The following FBXO16 variants were observed in gnomAD, a reference collection of about 807,000 sequenced individuals.
FBXO16 encodes the protein F-box protein 16.
Under a neutral mutation model 41.0 loss-of-function variants are expected in FBXO16, and 31 were observed. The observed-to-expected ratio is 0.76, with a 90% CI of 0.57 to 1.02. The LOEUF (loss-of-function observed/expected upper bound fraction) is 1.02. Among genes scored for constraint, FBXO16 ranks in the 50% least tolerant of loss-of-function variants. The probability of loss-of-function intolerance (pLI) is 0.00; values close to 1 mark genes in which losing one functional copy is unlikely to be tolerated. For missense variants in FBXO16, 361 were observed against 346.2 expected, an observed-to-expected ratio of 1.04 and a Z score of -0.34; for synonymous variants, 133 against 117.8, an observed-to-expected ratio of 1.13 and a Z score of -0.84.
chr8:28,469,794 A>C (rs1803302124), intron 3 of FBXO16, among the ~76,000 whole-genome samples: 1 of 151,950 alleles, frequency 6.6e-6, no homozygotes, highest in Non-Finnish European at 1.5e-5. Flanking sequence ...CCAGCTACTC[A>C]GGAGGCTGAG....
At chr8:28,438,478 G>T (rs1340273628) in intron 7 of FBXO16, among the ~76,000 whole-genome samples, 3 of 152,092 alleles carry the variant, frequency 2.0e-5, no homozygotes, top group African/African-American at 7.2e-5. Flanking sequence ...TGCCTGGCAG[G>T]TCCCTCCTCC....
chr8:28,486,399 G>T (rs1803602858), intron 1 of FBXO16, among the ~76,000 whole-genome samples: 1 of 151,740 alleles, frequency 6.6e-6, no homozygotes, highest in South Asian at 2.1e-4. Context: ...TAATTTTATA[G>T]TTTTAGTAGA....
At chr8:28,484,748 C>T (rs9692871) in intron 1 of FBXO16, among the ~76,000 whole-genome samples, 1,612 of 151,954 alleles carry the variant, frequency 0.011, 26 homozygotes, top group African/African-American at 0.037. Flanking sequence ...CCCGCCATCA[C>T]GCCCAGCTAA....
At chr8:28,472,435 T>C (rs898172484) in intron 3 of FBXO16, among the ~76,000 whole-genome samples, 6 of 152,094 alleles carry the variant, frequency 3.9e-5, no homozygotes, top group Non-Finnish European at 5.9e-5. Flanking sequence ...TTTGTGAGCA[T>C]AGAAGGCAGG....
At chr8:28,484,814 C>T (rs1803575294) in intron 1 of FBXO16, among the ~76,000 whole-genome samples, 4 of 152,046 alleles carry the variant, frequency 2.6e-5, no homozygotes, top group African/African-American at 9.7e-5. Context: ...AGGATGGTCT[C>T]GATCTCCTGA....
At chr8:28,436,271 C>T (rs528522921) in intron 7 of FBXO16, among the ~76,000 whole-genome samples, 1 of 152,314 alleles carries the variant, frequency 6.6e-6, no homozygotes, top group South Asian at 2.1e-4. Flanking sequence ...CTCCTGTCTG[C>T]TCAGGAGCCC....
chr8:28,437,987 C>T (rs1042146952), intron 7 of FBXO16, among the ~76,000 whole-genome samples: 2 of 152,200 alleles, frequency 1.3e-5, no homozygotes, highest in African/African-American at 4.8e-5. Context: ...ATATTCCACA[C>T]AGCTATTGAT....
intron 3 of FBXO16, among the ~76,000 whole-genome samples, chr8:28,469,482 A>G (rs1163385672): frequency 6.6e-6 from 1 of 152,114 alleles, no homozygotes; most frequent in Non-Finnish European, 1.5e-5. Context: ...GAGGCATGGC[A>G]CCACCATGCC....
Position 28,444,388 on chromosome 8 carries a change from C to T in FBXO16, c.843+2783G>A, listed in dbSNP as rs188093205. Among the ~76,000 whole-genome samples, 194 of 151,348 alleles carry T rather than the reference C, an allele frequency of 1.3e-3. 1 individual carries two copies. Among genetic ancestry groups the T allele is most frequent in the African/African-American group, 4.5e-3 (187 of 41,176 alleles). On this transcript the variant is annotated intron_variant, in intron 7 of 8. Coordinates refer to ENST00000380254, the MANE Select transcript of FBXO16 (RefSeq NM_172366.4). ...CGCGATCTCGGCTCACTGCAACCTC[C>T]GCCTCCAGGGTTCAAGCAATTCTCC...
At chr8:28,452,732 C>T (rs976914537) in intron 5 of FBXO16, among the ~76,000 whole-genome samples, 2 of 151,854 alleles carry the variant, frequency 1.3e-5, no homozygotes, top group Non-Finnish European at 2.9e-5. Context: ...ACCTGGAAGG[C>T]GGAGGTTGCA....
intron 2 of FBXO16, among the ~76,000 whole-genome samples, chr8:28,482,295 C>T (rs1436742374): frequency 6.6e-6 from 1 of 152,112 alleles, no homozygotes; most frequent in African/African-American, 2.4e-5. Context: ...CCTCTCATAG[C>T]GGGGAGGAAC....
At chr8:28,444,725 C>G (rs1214894531) in intron 7 of FBXO16, among the ~76,000 whole-genome samples, 1 of 150,544 alleles carries the variant, frequency 6.6e-6, no homozygotes, top group Admixed American at 6.6e-5. Flanking sequence ...CACAATCTGC[C>G]CACCTCGGCC....
chr8:28,435,661 A>C (rs1802677167), intron 7 of FBXO16, among the ~76,000 whole-genome samples: 2 of 152,182 alleles, frequency 1.3e-5, no homozygotes, highest in Non-Finnish European at 2.9e-5. Context: ...AAAAGGTTAA[A>C]GCAAAGACAC....
chr8:28,445,857 A>AAT (rs1266967190), intron 7 of FBXO16, among the ~76,000 whole-genome samples: 150 of 152,308 alleles, frequency 9.8e-4, no homozygotes, highest in South Asian at 3.1e-3. Flanking sequence ...GTACGTACTT[A>AAT]TTCCTCTCCC....
chr8:28,485,238 AC>A (rs967360545), intron 1 of FBXO16, among the ~76,000 whole-genome samples: 7 of 151,950 alleles, frequency 4.6e-5, no homozygotes, highest in African/African-American at 1.7e-4. Flanking sequence ...AGTGGTGCAG[AC>A]ATGGCTCACT....
intron 3 of FBXO16, among the ~76,000 whole-genome samples, chr8:28,471,717 A>G (rs1803337357): frequency 6.6e-6 from 1 of 151,372 alleles, no homozygotes; most frequent in Non-Finnish European, 1.5e-5. Context: ...AATGCCTGGT[A>G]AGCATCAAGG....
At chr8:28,464,377 C>A (rs1468517102) in intron 3 of FBXO16, among the ~76,000 whole-genome samples, 1 of 152,074 alleles carries the variant, frequency 6.6e-6, no homozygotes, top group African/African-American at 2.4e-5. Flanking sequence ...CCAAAGGAAG[C>A]CAGGGTATGT....
chr8:28,452,848 A>G (rs1802977664), intron 5 of FBXO16, among the ~76,000 whole-genome samples: 1 of 152,032 alleles, frequency 6.6e-6, no homozygotes, highest in South Asian at 2.1e-4. Flanking sequence ...ACCACACACT[A>G]TAATAATAAT....
intron 5 of FBXO16, among the ~76,000 whole-genome samples, chr8:28,455,326 T>G (rs2130134424): frequency 6.6e-6 from 1 of 152,066 alleles, no homozygotes; most frequent in African/African-American, 2.4e-5. Flanking sequence ...AGCCTCAACC[T>G]TCTGAGCTCA....
Sources: allele counts gnomAD v4.1 joint callset (sites outside exome capture counted in the v4.1 genomes callset), GRCh38; gene constraint gnomAD v4.1.1; transcripts MANE v1.5; gene names NCBI Gene and HGNC (gene_info 2026-07-23, HGNC 2026-07-21).